DIP2A: variants seen among roughly 807,000 people sequenced by gnomAD.
DIP2A encodes disco-interacting protein 2 homolog A.
A neutral mutation model predicts 177.4 loss-of-function variants in DIP2A; 85 were observed. The observed-to-expected ratio is 0.48, with a 90% CI of 0.40 to 0.57. The LOEUF (loss-of-function observed/expected upper bound fraction) is 0.57, where lower values mean the gene tolerates loss of function less well. DIP2A is among the 20% of genes least tolerant of loss of function. The pLI, the probability that DIP2A is intolerant of heterozygous loss-of-function variation, is 0.00. For missense variants in DIP2A, 1,791 were observed against 2,100.2 expected (o/e 0.85, Z 2.88); for synonymous variants, 886 against 881.8 (o/e 1.00, Z -0.08).
intron 1 of DIP2A, among the ~76,000 whole-genome samples, chr21:46,475,790 A>G (rs923225705): frequency 2.0e-5 from 3 of 152,176 alleles, no homozygotes; most frequent in Non-Finnish European, 4.4e-5. Flanking sequence ...CATCTTCCCA[A>G]CTTCTCTCCT....
At position 46,566,576 on chromosome 21, in the gene DIP2A, G is replaced by C. The variant is rs1016706402; in HGVS notation, c.4356G>C (p.Leu1452=). The C allele has an allele frequency of 1.9e-6, 3 of 1,614,122 alleles. No individual in the cohort carries two copies. The highest frequency in any genetic ancestry group is 2.5e-6 in the Non-Finnish European group (3 of 1,179,954). Residue 1452 remains leucine (L), a synonymous_variant, in exon 37 of 38, where the codon CTG becomes CTC. Coordinates refer to ENST00000417564, the MANE Select transcript of DIP2A (RefSeq NM_015151.4). ...TGTTCACAGGGCGGCACGATGCACT[G>C]TATGTGGTTGGGTCTCTGGATGAAA... ...TDASGGRHDA[L]YVVGSLDETL... is the part of the protein sequence containing the mutation.
chr21:46,546,831 C>A, intron 20 of DIP2A, 84 bp from the exon 21 acceptor site: 1 of 1,535,998 alleles, frequency 6.5e-7, no homozygotes. Context: ...CTGTTGGCCC[C>A]TTCTTGGGGG....
chr21:46,558,154 A>G (rs2060534193), intron 31 of DIP2A, 69 bp from the exon 32 acceptor site: 2 of 1,498,990 alleles, frequency 1.3e-6, no homozygotes, highest in Non-Finnish European at 1.8e-6. Flanking sequence ...AGATTTCCCA[A>G]AACAGTGCCC....
At position 46,545,162 on chromosome 21, in the gene DIP2A, A is replaced by T. The variant is rs1228318145; in HGVS notation, c.2202A>T (p.Glu734Asp). ...CTAATGTATGTGTTGTGAAGTTAGAAGGTACCCCTTATCTTTGTAAAACTG... is the reference window on the plus strand; with the variant it reads ...CTAATGTATGTGTTGTGAAGTTAGATGGTACCCCTTATCTTTGTAAAACTG... ...PGANVCVVKL[E>D]GTPYLCKTDE... Residue 734 changes from glutamate (E) to aspartate (D), a missense_variant, in exon 19 of 38, where the codon GAA becomes GAT. Transcript: ENST00000417564. 6.2e-7 allele frequency: 1 copy of T among 1,603,714 alleles called. No individual in the cohort carries two copies. The highest frequency in any genetic ancestry group is 2.2e-5 in the East Asian group (1 of 44,532).
Position 46,569,591 on chromosome 21 carries a change from T to C in DIP2A, c.*1969T>C, listed in dbSNP as rs951966441. On this transcript the variant is annotated 3_prime_UTR_variant, in exon 38 of 38. Coordinates refer to ENST00000417564, the MANE Select transcript of DIP2A (RefSeq NM_015151.4). ...AGGTCAGTGGTGGTAAGACAAGGTG[T>C]CTTGTAAATTAAGATTTTAAGAAGT... is the stretch of plus-strand genomic sequence containing the variant. 1 of 152,180 alleles carries C rather than the reference T, an allele frequency of 6.6e-6. No homozygotes were observed. The highest frequency in any genetic ancestry group is 6.5e-5 in the Admixed American group (1 of 15,276). The allele number at this position is 152,180 out of a possible 1,614,324, so 9.4% of individuals were successfully genotyped here.
At chr21:46,539,638 T>A in intron 16 of DIP2A, 1 of 528,044 alleles carries the variant, frequency 1.9e-6, no homozygotes, top group Non-Finnish European at 3.5e-6. Flanking sequence ...TCCCTAGTGA[T>A]GCCCCTTCTG....
the DIP2A span, among the ~76,000 whole-genome samples, chr21:46,581,194 A>G: frequency 2.0e-5 from 3 of 152,294 alleles, no homozygotes; most frequent in African/African-American, 4.8e-5. Context: ...TAAGCAAGAT[A>G]GTCTTCAAGC....
Position 46,471,284 on chromosome 21 carries a change from G to T in DIP2A, c.91+12062G>T, listed in dbSNP as rs2055355931. On this transcript the variant is annotated intron_variant, in intron 1 of 37. Transcript: ENST00000417564. Reference sequence around the variant, plus strand: ...GGTTTCAAGCGATCTTCCTGCCTTGGCCTCCCAAAGTCCTGGGTTTACAGG... The same window carrying T: ...GGTTTCAAGCGATCTTCCTGCCTTGTCCTCCCAAAGTCCTGGGTTTACAGG... 2.6e-5 allele frequency among the ~76,000 whole-genome samples: 4 copies of T among 152,246 alleles called. No homozygotes were observed. In the South Asian group the frequency reaches 8.3e-4, roughly 32 times the overall value.
At chr21:46,510,092 T>TCA (rs1190222688) in intron 7 of DIP2A, among the ~76,000 whole-genome samples, 1 of 152,194 alleles carries the variant, frequency 6.6e-6, no homozygotes, top group African/African-American at 2.4e-5. Context: ...GCATATTGAC[T>TCA]CACACGATCA....
At chr21:46,571,787 A>C (rs890376078), downstream of DIP2A, among the ~76,000 whole-genome samples, 9 of 152,354 alleles carry the variant, frequency 5.9e-5, no homozygotes, top group African/African-American at 2.2e-4. Flanking sequence ...TATCAGAGTA[A>C]GGAGATTTTG....
At chr21:46,486,877 C>A (rs2056730745) in intron 2 of DIP2A, among the ~76,000 whole-genome samples, 1 of 152,160 alleles carries the variant, frequency 6.6e-6, no homozygotes, top group South Asian at 2.1e-4. Context: ...CAACAGAATT[C>A]ATACAGCGGA....
chr21:46,459,826 A>G (rs781695227), intron 1 of DIP2A, among the ~76,000 whole-genome samples: 9 of 151,926 alleles, frequency 5.9e-5, no homozygotes, highest in Admixed American at 2.6e-4. Context: ...TGCTCCCCCA[A>G]TGGGATCCGA....
chr21:46,506,768 C>CTTTCTTTCT (rs1555887518), intron 6 of DIP2A, among the ~76,000 whole-genome samples: 25 of 63,058 alleles, frequency 4.0e-4, no homozygotes, highest in South Asian at 2.1e-3. Context: ...TTCTTTCTTT[C>CTTTCTTTCT]TTTCTTTTCT....
chr21:46,508,540 A>C (rs2058140146), intron 6 of DIP2A, among the ~76,000 whole-genome samples: 5 of 148,992 alleles, frequency 3.4e-5, no homozygotes, highest in Admixed American at 2.7e-4. Flanking sequence ...TTGTATTTTT[A>C]GTAAAGATGG....
chr21:46,553,405 G>T (rs1194533236), intron 25 of DIP2A: 1 of 152,304 alleles, frequency 6.6e-6, no homozygotes, highest in African/African-American at 2.4e-5. Context: ...TAAAAAAGCT[G>T]CGAGGCCTGG....
chr21:46,565,892 G>A lies in DIP2A; in HGVS notation c.4339+5G>A, dbSNP rs2060821266. 6.2e-7 allele frequency: 1 copy of A among 1,613,622 alleles called. No homozygotes were observed. Among genetic ancestry groups the A allele is most frequent in the Non-Finnish European group, 8.5e-7 (1 of 1,179,874 alleles). On this transcript the variant is annotated splice_donor_5th_base_variant and intron_variant, in intron 36 of 37. Transcript: ENST00000417564. ...AGCTCACTGATGCCAGTGGAGGTGA[G>A]GGGTTGTGGTGAAGCCCTGCGTGAG...
At chr21:46,521,005 A>G (rs549305906) in intron 8 of DIP2A, among the ~76,000 whole-genome samples, 1 of 152,338 alleles carries the variant, frequency 6.6e-6, no homozygotes, top group Admixed American at 6.5e-5. Flanking sequence ...TTGATATTAC[A>G]AAATAGAATC....
At position 46,545,250 on chromosome 21, in the gene DIP2A, G is replaced by C; in HGVS notation, c.2290G>C (p.Gly764Arg). ...ATGTAYYGLL[G>R]ITKNVFEAVP... ...TGGCACAGCGTACTATGGATTGCTT[G>C]GAATCACGAAGAATGTGTTTGAGGT... The change falls in exon 19 of 38, where the codon GGA becomes CGA. Residue 764 changes from glycine (G) to arginine (R), a missense_variant. Gly to Arg is a moderately radical substitution (Grantham distance 125). Coordinates refer to ENST00000417564, the MANE Select transcript of DIP2A (RefSeq NM_015151.4). 1 of 1,598,740 alleles carries C rather than the reference G, an allele frequency of 6.3e-7. No individual in the cohort carries two copies. The highest frequency in any genetic ancestry group is 8.6e-7 in the Non-Finnish European group (1 of 1,169,048).
chr21:46,495,267 T>TCTCTCTCTCTCTCTCTC (rs2057289196), intron 3 of DIP2A, among the ~76,000 whole-genome samples: 1 of 147,936 alleles, frequency 6.8e-6, no homozygotes, highest in Non-Finnish European at 1.5e-5. Flanking sequence ...TCTCTCTCTC[T>TCTCTCTCTCTCTCTCTC]CTCTCTCTCT....
Sources: gnomAD v4.1 joint callset for allele counts (sites outside exome capture counted in the v4.1 genomes callset) on GRCh38, gnomAD v4.1.1 for gene constraint, MANE v1.5 for transcripts, NCBI Gene and HGNC (gene_info 2026-07-23, HGNC 2026-07-21) for gene names.